Variants in TRAPPC9 observed in about 807,000 individuals in gnomAD.
The protein encoded by TRAPPC9 is IKK2 binding protein.
In TRAPPC9, 83 loss-of-function variants were observed where a neutral mutation model predicts 124.0. The observed-to-expected ratio is 0.67, with a 90% confidence interval of 0.56 to 0.80. TRAPPC9 has a LOEUF of 0.80. TRAPPC9 is among the 30% of genes least tolerant of loss of function. The pLI is 0.00. For missense variants in TRAPPC9, 1,302 were observed against 1,508.3 expected, an observed-to-expected ratio of 0.86 and a Z score of 2.27; for synonymous variants, 638 against 617.5, an observed-to-expected ratio of 1.03 and a Z score of -0.49.
chr8:140,031,933 G>A (rs990639241), intron 17 of TRAPPC9, among the ~76,000 whole-genome samples: 9 of 152,216 alleles, frequency 5.9e-5, no homozygotes, highest in African/African-American at 2.2e-4. Context: ...TCTGGTTTAG[G>A]ATACTAAGGA....
intron 17 of TRAPPC9, among the ~76,000 whole-genome samples, chr8:140,118,158 C>G (rs1428240569): frequency 1.3e-5 from 2 of 152,198 alleles, no homozygotes; most frequent in Non-Finnish European, 2.9e-5. Flanking sequence ...ATGAGATGCA[C>G]GTGGGTGGCG....
chr8:140,118,778 A>G (rs2060934408), intron 17 of TRAPPC9, among the ~76,000 whole-genome samples: 1 of 152,148 alleles, frequency 6.6e-6, no homozygotes, highest in Non-Finnish European at 1.5e-5. Flanking sequence ...AAGACAAAGG[A>G]AGGACAAGAA....
At chr8:140,246,509 A>G (rs2063990887) in intron 16 of TRAPPC9, among the ~76,000 whole-genome samples, 1 of 152,186 alleles carries the variant, frequency 6.6e-6, no homozygotes, top group Non-Finnish European at 1.5e-5. Flanking sequence ...ACTTAACTTC[A>G]TATCTGACAT....
intron 4 of TRAPPC9, among the ~76,000 whole-genome samples, chr8:140,434,786 T>C (rs1001474870): frequency 3.2e-4 from 49 of 151,908 alleles, no homozygotes; most frequent in African/African-American, 1.1e-3. Context: ...CTGGCCAACA[T>C]AGTGAAACCC....
intron 17 of TRAPPC9, among the ~76,000 whole-genome samples, chr8:140,092,762 T>G (rs1433354078): frequency 6.6e-6 from 1 of 152,222 alleles, no homozygotes; most frequent in African/African-American, 2.4e-5. Context: ...GAAATGATGG[T>G]GACTTTTTAA....
chr8:139,901,810 C>A (rs1831038406), intron 20 of TRAPPC9, among the ~76,000 whole-genome samples: 1 of 152,222 alleles, frequency 6.6e-6, no homozygotes, highest in Admixed American at 6.5e-5. Context: ...TGCCACGGAC[C>A]AGCTGGGTGA....
At chr8:139,832,215 C>A (rs567306266) in intron 21 of TRAPPC9, among the ~76,000 whole-genome samples, 2 of 152,334 alleles carry the variant, frequency 1.3e-5, no homozygotes, top group South Asian at 4.1e-4. Context: ...TGTGAGTGCA[C>A]TTTCTAATCA....
intron 21 of TRAPPC9, among the ~76,000 whole-genome samples, chr8:139,751,752 T>C (rs919991154): frequency 2.0e-5 from 3 of 148,952 alleles, no homozygotes; most frequent in Non-Finnish European, 4.5e-5. Context: ...CATCCATCCA[T>C]CCTCCAGCAG....
intron 17 of TRAPPC9, among the ~76,000 whole-genome samples, chr8:140,174,762 G>A (rs894340729): frequency 6.6e-6 from 1 of 152,160 alleles, no homozygotes; most frequent in Non-Finnish European, 1.5e-5. Context: ...CCTTTTCTGG[G>A]CTGAAATAAT....
chr8:140,281,653 C>T (rs543463638), intron 14 of TRAPPC9, among the ~76,000 whole-genome samples: 24 of 152,312 alleles, frequency 1.6e-4, no homozygotes, highest in African/African-American at 5.5e-4. Flanking sequence ...CTTTTGGTGT[C>T]ACATCAAAGA....
chr8:140,094,543 T>C (rs2130242902), intron 17 of TRAPPC9, among the ~76,000 whole-genome samples: 1 of 152,290 alleles, frequency 6.6e-6, no homozygotes, highest in Non-Finnish European at 1.5e-5. Context: ...CTCCATCGTG[T>C]ATCCACCATG....
intron 8 of TRAPPC9, among the ~76,000 whole-genome samples, chr8:140,361,796 T>C (rs973232409): frequency 1.7e-4 from 26 of 152,150 alleles, no homozygotes; most frequent in African/African-American, 5.6e-4. Flanking sequence ...TGTGCGTTAC[T>C]TACTATTGCA....
At chr8:139,857,301 A>G (rs1315336129) in intron 21 of TRAPPC9, among the ~76,000 whole-genome samples, 1 of 152,166 alleles carries the variant, frequency 6.6e-6, no homozygotes, top group Non-Finnish European at 1.5e-5. Flanking sequence ...AAAGAGTGCT[A>G]ATGAACATTT....
At chr8:140,106,756 G>A (rs979606324) in intron 17 of TRAPPC9, among the ~76,000 whole-genome samples, 1 of 152,216 alleles carries the variant, frequency 6.6e-6, no homozygotes, top group African/African-American at 2.4e-5. Flanking sequence ...GACCTCAAAC[G>A]TATTGTTACA....
chr8:140,439,303 G>C, intron 2 of TRAPPC9, 106 bp from the exon 3 acceptor site: 1 of 1,217,764 alleles, frequency 8.2e-7, no homozygotes. Context: ...TGCTAAGAAG[G>C]CAACTGTAGG....
At chr8:139,753,073 TATCC>T (rs138670884) in intron 21 of TRAPPC9, among the ~76,000 whole-genome samples, 6 of 123,982 alleles carry the variant, frequency 4.8e-5, no homozygotes, top group Admixed American at 1.6e-4. Flanking sequence ...CCCACCCATC[TATCC>T]ATCCATCCAT....
intron 10 of TRAPPC9, among the ~76,000 whole-genome samples, chr8:140,304,169 A>G (rs187880033): frequency 1.5e-3 from 230 of 149,900 alleles, no homozygotes; most frequent in African/African-American, 5.3e-3. Context: ...ATCTTGGCTC[A>G]TTGCAACCTC....
At chr8:140,268,660 T>C (rs888784130) in intron 15 of TRAPPC9, among the ~76,000 whole-genome samples, 6 of 152,172 alleles carry the variant, frequency 3.9e-5, no homozygotes, top group Non-Finnish European at 7.3e-5. Context: ...ACCCACCTCT[T>C]CTGCTTTCAC....
chr8:140,303,436 G>A (rs182801434), intron 10 of TRAPPC9, among the ~76,000 whole-genome samples: 1 of 152,316 alleles, frequency 6.6e-6, no homozygotes, highest in East Asian at 1.9e-4. Context: ...ATAGACTACT[G>A]TTGGCTACTG....
Sources: allele counts gnomAD v4.1 joint callset (sites outside exome capture counted in the v4.1 genomes callset), GRCh38; gene constraint gnomAD v4.1.1; transcripts MANE v1.5; gene names NCBI Gene and HGNC (gene_info 2026-07-23, HGNC 2026-07-21).